Variants in DNAH11 observed in about 807,000 individuals in gnomAD.
The protein encoded by DNAH11 is axonemal beta dynein heavy chain 11.
Under a neutral mutation model 526.0 loss-of-function variants are expected in DNAH11, and 442 were observed. The observed-to-expected ratio is 0.84, with a 90% CI of 0.78 to 0.91. DNAH11 has a LOEUF of 0.91. Ranked by LOEUF, DNAH11 falls within the 40% of genes least tolerant of loss-of-function variation. The pLI is 0.00. For synonymous variants in DNAH11, 2,461 were observed against 1,935.9 expected, an observed-to-expected ratio of 1.27 and a Z score of -7.12; for missense variants, 6,989 against 5,448.7, an observed-to-expected ratio of 1.28 and a Z score of -8.90.
chr7:21,593,263 G>A (rs62441721), intron 14 of DNAH11, among the ~76,000 whole-genome samples: 20,861 of 152,150 alleles, frequency 0.14, 1,498 homozygotes, highest in Middle Eastern at 0.18. Flanking sequence ...AATAAAGACG[G>A]AGGCTAACCC....
chr7:21,748,769 C>T, intron 52 of DNAH11, 27 bp downstream of exon 52: 2 of 1,595,128 alleles, frequency 1.3e-6, no homozygotes, highest in Non-Finnish European at 1.7e-6. Context: ...GGCAGTTCTT[C>T]TGACCCTTCT....
At chr7:21,722,903 C>T (rs1396456095) in intron 44 of DNAH11, among the ~76,000 whole-genome samples, 1 of 152,126 alleles carries the variant, frequency 6.6e-6, no homozygotes, top group Non-Finnish European at 1.5e-5. Context: ...CCCCCTCCTG[C>T]TCATAACCCC....
intron 23 of DNAH11, 31 bp downstream of exon 23, chr7:21,617,808 T>G (rs763664130): frequency 6.5e-7 from 1 of 1,535,582 alleles, no homozygotes; most frequent in Non-Finnish European, 8.8e-7. Flanking sequence ...TAATGAACCT[T>G]TTTATGACTG....
chr7:21,665,024 C>T (rs1466223439), intron 30 of DNAH11, among the ~76,000 whole-genome samples: 5 of 152,012 alleles, frequency 3.3e-5, no homozygotes, highest in Non-Finnish European at 7.4e-5. Context: ...CATCATACCT[C>T]TCTGCTTTGA....
Position 21,543,088 on chromosome 7 carries a change from G to T in DNAH11, c.-158G>T. On this transcript the variant is annotated 5_prime_UTR_variant, in exon 1 of 82. Coordinates refer to ENST00000409508, the MANE Select transcript of DNAH11 (RefSeq NM_001277115.2). ...CGAGGCTACAGCTGTGCGCAGTGGC[G>T]CGGCTGCTAAGTAGCAGCAGGTGGG... is the stretch of plus-strand genomic sequence containing the variant. The T allele has an allele frequency of 2.2e-6, 3 of 1,389,318 alleles. No homozygotes were observed. The highest frequency in any genetic ancestry group is 2.8e-6 in the Non-Finnish European group (3 of 1,069,154). 86.1% of individuals were successfully genotyped at this position (1,389,318 alleles called of 1,614,324 possible).
At chr7:21,656,156 C>T (rs367711703) in intron 29 of DNAH11, among the ~76,000 whole-genome samples, 175 bp downstream of exon 29, 6 of 152,242 alleles carry the variant, frequency 3.9e-5, no homozygotes, top group African/African-American at 1.4e-4. Context: ...TTCTGCCATG[C>T]GTCCCAGTTT....
chr7:21,635,799 T>C, intron 25 of DNAH11, 72 bp from the exon 26 acceptor site: 3 of 1,239,834 alleles, frequency 2.4e-6, no homozygotes, highest in South Asian at 3.1e-5. Context: ...AGAGTAGATA[T>C]AGTGCCTCCC....
chr7:21,561,515 T>C (rs1420428193), intron 5 of DNAH11: 8 of 183,096 alleles, frequency 4.4e-5, no homozygotes, highest in Non-Finnish European at 9.0e-5. Context: ...AGTCTAGTTA[T>C]TCATCAGTTC....
At chr7:21,639,857 G>C (rs1359363950) in intron 28 of DNAH11, among the ~76,000 whole-genome samples, 1 of 148,890 alleles carries the variant, frequency 6.7e-6, no homozygotes, top group Non-Finnish European at 1.5e-5. Flanking sequence ...TAATTGTGGA[G>C]TTTTCTCCAT....
chr7:21,551,726 A>G (rs1783031344), intron 2 of DNAH11, among the ~76,000 whole-genome samples: 2 of 152,124 alleles, frequency 1.3e-5, no homozygotes, highest in African/African-American at 4.8e-5. Flanking sequence ...CATGTAGTGG[A>G]GCTTCCCTAA....
At chr7:21,692,861 A>T (rs887334138) in intron 35 of DNAH11, among the ~76,000 whole-genome samples, 2 of 152,190 alleles carry the variant, frequency 1.3e-5, no homozygotes, top group African/African-American at 4.8e-5. Flanking sequence ...ATTTTTAGCC[A>T]ATCTAATAGA....
At chr7:21,589,452 A>G (rs1784598295) in intron 12 of DNAH11, 49 bp downstream of exon 12, 2 of 1,442,606 alleles carry the variant, frequency 1.4e-6, no homozygotes, top group Admixed American at 2.1e-5. Flanking sequence ...TTTTTATTAT[A>G]AGCCTATTTC....
At chr7:21,874,322 T>A (rs1354006983) in intron 74 of DNAH11, among the ~76,000 whole-genome samples, 1 of 76,322 alleles carries the variant, frequency 1.3e-5, no homozygotes, top group East Asian at 2.3e-4. Flanking sequence ...AATGAATACT[T>A]ACATGGTTTT....
intron 74 of DNAH11, among the ~76,000 whole-genome samples, chr7:21,879,190 G>T (rs1431614499): frequency 6.6e-6 from 1 of 151,780 alleles, no homozygotes; most frequent in Admixed American, 6.6e-5. Flanking sequence ...ACAGTGACTT[G>T]TGACTGTAAT....
Position 21,900,093 on chromosome 7 carries a change from G to GCATACCTCCACGGACTCTTCAT in DNAH11, c.13277_13298dup (p.Met4433IlefsTer22). 1.9e-6 allele frequency: 3 copies of GCATACCTCCACGGACTCTTCAT among 1,613,854 alleles called. No individual in the cohort carries two copies. The highest frequency in any genetic ancestry group is 2.5e-6 in the Non-Finnish European group (3 of 1,179,810). Reference sequence around the variant, plus strand: ...TTATGGACACCCGCCAAGGGAAGGTGCATACCTCCACGGACTCTTCATGGA... The same window carrying GCATACCTCCACGGACTCTTCAT: ...TTATGGACACCCGCCAAGGGAAGGTGCATACCTCCACGGACTCTTCATCATACCTCCACGGACTCTTCATGGA... On this transcript the variant is annotated frameshift_variant, in exon 81 of 82. Transcript: ENST00000409508. LOFTEE classifies it high-confidence loss of function.
rs2128053405 is a variant in DNAH11, at chr7:21,901,113, A to G, written c.13410A>G (p.Gln4470=). ...CAAAAGCCACCCCCGTGGACAGACA[A>G]GAAACCAAACAGACCTACGAGTGCC... is the stretch of plus-strand genomic sequence containing the variant. ...IFAKATPVDR[Q]ETKQTYECPV... The change falls in exon 82 of 82, where the codon CAA becomes CAG. Residue 4470 remains glutamine, a synonymous_variant. Coordinates refer to ENST00000409508, the MANE Select transcript of DNAH11 (RefSeq NM_001277115.2). 1 of 1,613,452 alleles carries G rather than the reference A, an allele frequency of 6.2e-7. No individual in the cohort carries two copies. Among genetic ancestry groups the G allele is most frequent in the South Asian group, 1.1e-5 (1 of 91,080 alleles).
intron 56 of DNAH11, among the ~76,000 whole-genome samples, chr7:21,775,749 C>G (rs370069695): frequency 6.6e-6 from 1 of 152,116 alleles, no homozygotes; most frequent in African/African-American, 2.4e-5. Context: ...AATCAAGACC[C>G]CTTTCCATAA....
At chr7:21,785,225 C>T (rs984743641) in intron 58 of DNAH11, among the ~76,000 whole-genome samples, 4 of 152,070 alleles carry the variant, frequency 2.6e-5, no homozygotes, top group South Asian at 4.1e-4. Flanking sequence ...AGGAAAGAAT[C>T]GAGATTTTCA....
intron 61 of DNAH11, among the ~76,000 whole-genome samples, chr7:21,789,852 C>CTT (rs1562547367): frequency 6.5e-5 from 6 of 92,982 alleles, no homozygotes; most frequent in Admixed American, 1.1e-4. Context: ...TTCTTTCTTT[C>CTT]TCTCTCCTTC....
Sources: gnomAD v4.1 joint callset for allele counts (sites outside exome capture counted in the v4.1 genomes callset) on GRCh38, gnomAD v4.1.1 for gene constraint, MANE v1.5 for transcripts, NCBI Gene and HGNC (gene_info 2026-07-23, HGNC 2026-07-21) for gene names.